The following IRAG1 variants were observed in gnomAD, a reference collection of about 807,000 sequenced individuals.
The protein encoded by IRAG1 is IP3R-associated cGMP kinase substrate.
In IRAG1, 62 loss-of-function variants were observed where a neutral mutation model predicts 106.2. That is an observed-to-expected ratio of 0.58 (90% CI 0.48 to 0.72). The LOEUF is 0.72. Ranked by LOEUF, IRAG1 falls within the 30% of genes least tolerant of loss-of-function variation. IRAG1 has a pLI of 0.00. For synonymous variants in IRAG1, 462 were observed against 443.9 expected, an observed-to-expected ratio of 1.04 and a Z score of -0.51; for missense variants, 1,064 against 1,140.7, an observed-to-expected ratio of 0.93 and a Z score of 0.97.
chr11:10,579,514 T>C (rs1340342315), intron 20 of IRAG1, among the ~76,000 whole-genome samples: 3 of 152,170 alleles, frequency 2.0e-5, no homozygotes, highest in Non-Finnish European at 2.9e-5. Flanking sequence ...ATTCAAGACT[T>C]GTGGTTTAAC....
At position 10,574,579 on chromosome 11, in the gene IRAG1, G is replaced by T. The variant is rs1286177553; in HGVS notation, c.*1753C>A. 8 of 152,284 alleles carry T rather than the reference G, an allele frequency of 5.3e-5. No individual in the cohort carries two copies. The highest frequency in any genetic ancestry group is 1.9e-4 in the African/African-American group (8 of 41,544). 9.4% of individuals were successfully genotyped at this position (152,284 alleles called of 1,614,324 possible). ...GTCTGGTGAGGAGTATGGAAGGAAG[G>T]TCATCAAAGCTGGTATGGAGGGGAT... On this transcript the variant is annotated 3_prime_UTR_variant, in exon 21 of 21. Transcript: ENST00000423302.
chr11:10,602,856 T>C (rs1591590917), intron 14 of IRAG1, among the ~76,000 whole-genome samples: 1 of 152,140 alleles, frequency 6.6e-6, no homozygotes, highest in African/African-American at 2.4e-5. Flanking sequence ...ATTAGGCCAA[T>C]GTGTTAGAAA....
intron 1 of IRAG1, among the ~76,000 whole-genome samples, chr11:10,654,236 C>CA (rs1225328692): frequency 6.6e-6 from 1 of 151,994 alleles, no homozygotes; most frequent in Non-Finnish European, 1.5e-5. Context: ...TCTGACAGAC[C>CA]CCCCAGCCAA....
chr11:10,582,853 G>A (rs1330856900), intron 18 of IRAG1, among the ~76,000 whole-genome samples: 1 of 152,214 alleles, frequency 6.6e-6, no homozygotes, highest in African/African-American at 2.4e-5. Context: ...GTACTCAGGA[G>A]GCTGAGGCAA....
At chr11:10,594,930 A>T (rs192548483) in intron 15 of IRAG1, among the ~76,000 whole-genome samples, 12,038 of 151,518 alleles carry the variant, frequency 0.079, 511 homozygotes, top group Admixed American at 0.13. Context: ...TCAAAAAAAA[A>T]TTTTTTTTTC....
chr11:10,589,090 C>G (rs1012676822), intron 18 of IRAG1: 2 of 152,210 alleles, frequency 1.3e-5, no homozygotes, highest in Non-Finnish European at 2.9e-5. Flanking sequence ...TCAGCATTCT[C>G]TGAAATCTCA....
At position 10,576,042 on chromosome 11, in the gene IRAG1, A is replaced by T. The variant is rs1381114014; in HGVS notation, c.*290T>A. ...CAGTGAAGGTGTTTTAGTTCTCCCC[A>T]GCCACCTGAGCTAGGGGCAGGAGAC... is the stretch of plus-strand genomic sequence containing the variant. On this transcript the variant is annotated 3_prime_UTR_variant, in exon 21 of 21. Coordinates refer to ENST00000423302, the MANE Select transcript of IRAG1 (RefSeq NM_130385.4). 5.2e-6 allele frequency: 2 copies of T among 384,470 alleles called. No homozygotes were observed. Among genetic ancestry groups the T allele is most frequent in the Non-Finnish European group, 9.7e-6 (2 of 206,690 alleles). 23.8% of individuals were successfully genotyped at this position (384,470 alleles called of 1,614,324 possible). A position where few individuals can be genotyped will look rare whatever the true frequency, so the allele number is the denominator to read the frequency against.
intron 2 of IRAG1, among the ~76,000 whole-genome samples, chr11:10,636,683 A>C (rs2134708705): frequency 6.6e-6 from 1 of 152,354 alleles, no homozygotes; most frequent in East Asian, 1.9e-4. Context: ...AATAAATATA[A>C]GGAAACAAGG....
intron 1 of IRAG1, among the ~76,000 whole-genome samples, chr11:10,680,421 AAGAAAGAGAG>A (rs1861132324): frequency 7.1e-6 from 1 of 140,366 alleles, no homozygotes; most frequent in African/African-American, 2.7e-5. Flanking sequence ...AAGGGAAAGA[AAGAAAGAGAG>A]GGAAGGAAGG....
At chr11:10,612,123 C>T (rs994043083) in intron 10 of IRAG1, among the ~76,000 whole-genome samples, 9 of 152,154 alleles carry the variant, frequency 5.9e-5, no homozygotes, top group Admixed American at 2.0e-4. Flanking sequence ...TGTTCTCCCC[C>T]GACTCCTGAA....
chr11:10,623,040 GTTCTTAGCCTGGTT>G (rs1217107400), intron 10 of IRAG1, among the ~76,000 whole-genome samples: 1 of 152,222 alleles, frequency 6.6e-6, no homozygotes, highest in Non-Finnish European at 1.5e-5. Context: ...GGCAGGTACT[GTTCTTAGCCTGGTT>G]TTACATGCCC....
At chr11:10,640,994 C>T (rs149126061) in intron 2 of IRAG1, among the ~76,000 whole-genome samples, 26 of 152,278 alleles carry the variant, frequency 1.7e-4, no homozygotes, top group Admixed American at 6.5e-4. Context: ...AAATGTACAA[C>T]AGATAATTTT....
rs558849015 is a variant in IRAG1 at position 10,634,038 on chromosome 11, T to C, written c.259A>G (p.Thr87Ala). 15 of 1,611,600 alleles carry C rather than the reference T, an allele frequency of 9.3e-6. No homozygotes were observed. The highest frequency in any genetic ancestry group is 6.7e-5 in the African/African-American group (5 of 74,778). The part of the protein sequence containing the change: ...PPAAGVSCSP[T>A]PTIVLTGDAT... ...TCCCCAGTCAGGACAATCGTGGGAG[T>C]TGGACTGCAAGATACTCCTGCGGCA... The change falls in exon 3 of 21, where the codon ACT (threonine) becomes GCT (alanine). Residue 87 changes from threonine (T) to alanine (A), a missense_variant. Physicochemically the swap from Thr to Ala is moderately conservative, Grantham distance 58. Transcript: ENST00000423302.
At chr11:10,583,938 T>TA (rs1851657449) in intron 18 of IRAG1, among the ~76,000 whole-genome samples, 1 of 151,960 alleles carries the variant, frequency 6.6e-6, no homozygotes. Context: ...TAGGAAGGTC[T>TA]GTGGAGAGAG....
chr11:10,675,178 C>T (rs779923036), intron 1 of IRAG1, among the ~76,000 whole-genome samples: 3 of 152,214 alleles, frequency 2.0e-5, no homozygotes, highest in Non-Finnish European at 4.4e-5. Flanking sequence ...AAAATAGTAG[C>T]CAGAGCATCT....
chr11:10,613,948 A>G (rs1855183868), intron 10 of IRAG1, among the ~76,000 whole-genome samples: 1 of 152,088 alleles, frequency 6.6e-6, no homozygotes, highest in Non-Finnish European at 1.5e-5. Context: ...ACACCTGTAA[A>G]CATCACCTTT....
chr11:10,609,647 G>A lies in IRAG1; in HGVS notation c.1571+81C>T, dbSNP rs574650696. 5.4e-6 allele frequency: 8 copies of A among 1,486,830 alleles called. No individual in the cohort carries two copies. In the African/African-American group the frequency reaches 9.9e-5, roughly 18 times the overall value. 92.1% of individuals were successfully genotyped at this position (1,486,830 alleles called of 1,614,324 possible). A position where few individuals can be genotyped will look rare whatever the true frequency, so the allele number is the denominator to read the frequency against. On this transcript the variant is annotated intron_variant, in intron 11 of 20. Transcript: ENST00000423302. ...CTTCTGGGTTCAAGAATTAAGACTGGTGTTCCTCTGTGTCCCACCTAGAAT... is the reference window on the plus strand; with the variant it reads ...CTTCTGGGTTCAAGAATTAAGACTGATGTTCCTCTGTGTCCCACCTAGAAT...
intron 13 of IRAG1, 136 bp downstream of exon 13, chr11:10,604,269 G>T: frequency 8.8e-7 from 1 of 1,132,658 alleles, no homozygotes; most frequent in Non-Finnish European, 1.2e-6. Context: ...ACTCTCTGAG[G>T]AACACTGTCA....
Position 10,665,667 on chromosome 11 carries a change from A to G in IRAG1, c.68-13485T>C, listed in dbSNP as rs1859734019. Among the ~76,000 whole-genome samples the G allele has an allele frequency of 6.6e-6, 1 of 152,118 alleles. No homozygotes were observed. The highest frequency in any genetic ancestry group is 2.4e-5 in the African/African-American group (1 of 41,410). On this transcript the variant is annotated intron_variant, in intron 1 of 20. Coordinates refer to ENST00000423302, the MANE Select transcript of IRAG1 (RefSeq NM_130385.4). This position sits in a 1 kb window ranked among gnomAD's most constrained non-coding sequence, Gnocchi z 4.2. Reference sequence around the variant, plus strand: ...GCAGCCCTGTGCTTGGAACCCCAGCACCAGAGTTTAGGGTGGAGACTCCCA... The same window carrying G: ...GCAGCCCTGTGCTTGGAACCCCAGCGCCAGAGTTTAGGGTGGAGACTCCCA...
Sources: allele counts gnomAD v4.1 joint callset (sites outside exome capture counted in the v4.1 genomes callset), GRCh38; gene constraint gnomAD v4.1.1; non-coding constraint Gnocchi (gnomAD v3.1); transcripts MANE v1.5; gene names NCBI Gene and HGNC (gene_info 2026-07-23, HGNC 2026-07-21).